FAM117B: variants seen among roughly 807,000 people sequenced by gnomAD.
FAM117B encodes the protein protein FAM117B.
Under a neutral mutation model 52.8 loss-of-function variants are expected in FAM117B, and 22 were observed. The ratio of observed to expected loss-of-function variants is 0.42; its 90% CI spans 0.30 to 0.59. The LOEUF is 0.59. Ranked by LOEUF, FAM117B falls within the 20% of genes least tolerant of loss-of-function variation. The probability of loss-of-function intolerance (pLI) is 0.22; values close to 1 mark genes in which losing one functional copy is unlikely to be tolerated. For synonymous variants in FAM117B, 309 were observed against 324.1 expected (o/e 0.95, Z 0.50); for missense variants, 678 against 802.6 (o/e 0.84, Z 1.88).
At chr2:202,684,053 G>C (rs1006298809) in intron 1 of FAM117B, among the ~76,000 whole-genome samples, 2 of 152,056 alleles carry the variant, frequency 1.3e-5, no homozygotes, top group African/African-American at 4.8e-5. Flanking sequence ...TTTTTGTAGA[G>C]ACCAGGTTTT....
intron 6 of FAM117B, 77 bp downstream of exon 6, chr2:202,757,515 A>G: frequency 7.1e-7 from 1 of 1,400,708 alleles, no homozygotes; most frequent in Non-Finnish European, 1.0e-6. Context: ...TTCATTTTCT[A>G]GCAGAACACA....
chr2:202,690,530 G>C lies in FAM117B; in HGVS notation c.602-5351G>C, dbSNP rs561600250. Reference sequence around the variant, plus strand: ...AACCTTTCCAGTGAACTATGAGTTCGGGTGGGTGGTTGAGGAAGATTTTCC... The same window carrying C: ...AACCTTTCCAGTGAACTATGAGTTCCGGTGGGTGGTTGAGGAAGATTTTCC... On this transcript the variant is annotated intron_variant, in intron 1 of 7. Coordinates refer to ENST00000392238, the MANE Select transcript of FAM117B (RefSeq NM_173511.4). 7.9e-5 allele frequency among the ~76,000 whole-genome samples: 12 copies of C among 152,268 alleles called. 1 individual carries two copies. The South Asian group carries it at 1.7e-3, about 21-fold the overall frequency.
intron 4 of FAM117B, among the ~76,000 whole-genome samples, chr2:202,748,263 C>G (rs905291291): frequency 6.1e-4 from 92 of 152,054 alleles, no homozygotes; most frequent in African/African-American, 2.1e-3. Context: ...TATCTCTTAC[C>G]ACATATAAAA....
chr2:202,661,745 G>A (rs1211349494), intron 1 of FAM117B, among the ~76,000 whole-genome samples: 3 of 151,946 alleles, frequency 2.0e-5, no homozygotes, highest in African/African-American at 4.8e-5. Context: ...GCAAAACCCC[G>A]TCTCTCGTAA....
At chr2:202,658,703 G>C (rs955360134) in intron 1 of FAM117B, among the ~76,000 whole-genome samples, 4 of 152,054 alleles carry the variant, frequency 2.6e-5, no homozygotes, top group Non-Finnish European at 5.9e-5. Flanking sequence ...TGTCTTCTGT[G>C]CTTTCTGATG....
At chr2:202,684,460 A>G (rs1204678909) in intron 1 of FAM117B, among the ~76,000 whole-genome samples, 4 of 152,222 alleles carry the variant, frequency 2.6e-5, no homozygotes, top group Admixed American at 6.5e-5. Flanking sequence ...AATTGAGTCA[A>G]GCAACGTTCT....
intron 4 of FAM117B, among the ~76,000 whole-genome samples, chr2:202,748,754 C>T (rs1691676710): frequency 6.6e-6 from 1 of 151,990 alleles, no homozygotes; most frequent in African/African-American, 2.4e-5. Context: ...AAATCAAATC[C>T]AAATCCATAA....
At chr2:202,650,566 G>A (rs893591951) in intron 1 of FAM117B, among the ~76,000 whole-genome samples, 4 of 152,264 alleles carry the variant, frequency 2.6e-5, no homozygotes, top group East Asian at 3.9e-4. Context: ...TGATCACAAG[G>A]TAAAGTCCCA....
chr2:202,738,442 A>G (rs542266852), intron 4 of FAM117B, among the ~76,000 whole-genome samples: 13 of 152,322 alleles, frequency 8.5e-5, no homozygotes, highest in African/African-American at 2.2e-4. Context: ...AGGGAAATGG[A>G]GAATTTATAA....
At chr2:202,746,305 G>A (rs143749352) in intron 4 of FAM117B, among the ~76,000 whole-genome samples, 1 of 152,048 alleles carries the variant, frequency 6.6e-6, no homozygotes, top group African/African-American at 2.4e-5. Flanking sequence ...TCAGTAACAA[G>A]AAGGAAATTT....
chr2:202,661,776 C>A (rs1690130961), intron 1 of FAM117B, among the ~76,000 whole-genome samples: 1 of 152,008 alleles, frequency 6.6e-6, no homozygotes, highest in South Asian at 2.1e-4. Flanking sequence ...ATTAGCCGGG[C>A]ATGGTGGCGC....
At chr2:202,755,909 T>A (rs974078325) in intron 5 of FAM117B, among the ~76,000 whole-genome samples, 9 of 152,206 alleles carry the variant, frequency 5.9e-5, no homozygotes, top group Non-Finnish European at 1.0e-4. Context: ...ACAGAAACTA[T>A]TTTTTGTTTG....
chr2:202,639,136 A>C (rs1330513324), intron 1 of FAM117B, among the ~76,000 whole-genome samples: 2 of 152,192 alleles, frequency 1.3e-5, no homozygotes, highest in African/African-American at 4.8e-5. Context: ...GGTCTACCCC[A>C]TATAATTCTA....
chr2:202,736,227 G>A (rs765967445), intron 4 of FAM117B, among the ~76,000 whole-genome samples: 26 of 152,126 alleles, frequency 1.7e-4, no homozygotes, highest in East Asian at 5.8e-4. Context: ...GTTTTTTGCC[G>A]TTTCAAAATT....
chr2:202,713,589 G>C (rs1690989902), intron 2 of FAM117B, among the ~76,000 whole-genome samples: 1 of 152,064 alleles, frequency 6.6e-6, no homozygotes, highest in Non-Finnish European at 1.5e-5. Context: ...GGTTCTTTAA[G>C]ATGCATTATT....
intron 4 of FAM117B, among the ~76,000 whole-genome samples, chr2:202,740,808 C>G (rs1691521196): frequency 6.6e-6 from 1 of 151,944 alleles, no homozygotes; most frequent in African/African-American, 2.4e-5. Context: ...TTGACTGTAC[C>G]TGCTTTAAAA....
intron 4 of FAM117B, among the ~76,000 whole-genome samples, chr2:202,749,871 A>C (rs751317618): frequency 2.0e-5 from 3 of 152,198 alleles, no homozygotes; most frequent in African/African-American, 7.2e-5. Context: ...CTGGATCACT[A>C]TATCTCTGGC....
intron 1 of FAM117B, among the ~76,000 whole-genome samples, chr2:202,663,460 C>T (rs1454159798): frequency 2.0e-5 from 3 of 151,746 alleles, no homozygotes; most frequent in Non-Finnish European, 4.4e-5. Context: ...TATTTAATGG[C>T]GAACATTACT....
chr2:202,744,976 C>CAAAAGA (rs1691608824), intron 4 of FAM117B, among the ~76,000 whole-genome samples: 1 of 59,300 alleles, frequency 1.7e-5, no homozygotes, highest in Admixed American at 2.4e-4. Context: ...GACTCTGTCT[C>CAAAAGA]AAAAAAAAAA....
Sources: allele counts gnomAD v4.1 joint callset (sites outside exome capture counted in the v4.1 genomes callset), GRCh38; gene constraint gnomAD v4.1.1; transcripts MANE v1.5; gene names NCBI Gene and HGNC (gene_info 2026-07-23, HGNC 2026-07-21).